TJP1: variants seen among roughly 807,000 people sequenced by gnomAD.
TJP1 encodes the protein tight junction protein 1, also known as tight junction protein ZO-1.
In TJP1, 43 loss-of-function variants were observed where a neutral mutation model predicts 194.2. The ratio of observed to expected loss-of-function variants is 0.22; its 90% CI spans 0.17 to 0.29. TJP1 has a LOEUF of 0.29. TJP1 is among the 10% of genes least tolerant of loss of function. TJP1 has a pLI of 1.00. For synonymous variants in TJP1, 801 were observed against 779.0 expected (o/e 1.03, Z -0.47); for missense variants, 1,971 against 2,185.7 (o/e 0.90, Z 1.96).
chr15:29,703,631 A>C (rs2041698348), intron 27 of TJP1, among the ~76,000 whole-genome samples: 1 of 151,936 alleles, frequency 6.6e-6, no homozygotes, highest in South Asian at 2.1e-4. Context: ...AATAGTCAAT[A>C]TTTGGCCATA....
chr15:29,757,342 C>T (rs2045706452), intron 8 of TJP1, among the ~76,000 whole-genome samples: 1 of 152,156 alleles, frequency 6.6e-6, no homozygotes, highest in Admixed American at 6.6e-5. Flanking sequence ...ACCTTTCTCA[C>T]AGAGACCAGG....
In TJP1 at chr15:29,820,621, A is replaced by C; in HGVS notation, c.27+1381T>G. ...TCTTGCATATTAAGTACCAGAGATC[A>C]CACTTCAGGAACAAAGTGACATTCT... On this transcript the variant is annotated intron_variant, in intron 1 of 27. Coordinates refer to ENST00000614355, the MANE Select transcript of TJP1 (RefSeq NM_001330239.4). 1.7e-5 allele frequency: 12 copies of C among 715,186 alleles called. No individual in the cohort carries two copies. In the South Asian group the frequency reaches 1.8e-4, roughly 11 times the overall value. 44.3% of individuals were successfully genotyped at this position (715,186 alleles called of 1,614,324 possible). A position where few individuals can be genotyped will look rare whatever the true frequency, so the allele number is the denominator to read the frequency against.
At chr15:29,801,982 A>C (rs1047957006) in intron 1 of TJP1, among the ~76,000 whole-genome samples, 16 of 152,202 alleles carry the variant, frequency 1.1e-4, no homozygotes, top group Non-Finnish European at 2.9e-5. Context: ...CACGGGTTGG[A>C]CAAGGTTGAT....
chr15:29,767,839 G>C (rs758807367), intron 4 of TJP1, among the ~76,000 whole-genome samples: 5 of 151,760 alleles, frequency 3.3e-5, no homozygotes, highest in African/African-American at 4.8e-5. Context: ...AAAGACCAAG[G>C]CAATCTTCTC....
chr15:29,913,971 T>C (rs2054102186), intron 2 of TJP1, among the ~76,000 whole-genome samples: 1 of 152,176 alleles, frequency 6.6e-6, no homozygotes, highest in African/African-American at 2.4e-5. Flanking sequence ...CTTCAAAGCC[T>C]TTCTCAGAGT....
chr15:29,904,096 A>T (rs887558837), intron 2 of TJP1, among the ~76,000 whole-genome samples: 6 of 152,178 alleles, frequency 3.9e-5, no homozygotes, highest in African/African-American at 1.4e-4. Context: ...GGATCCATAG[A>T]TGTGTTTGGA....
At chr15:29,780,609 G>T (rs1445895407) in intron 2 of TJP1, among the ~76,000 whole-genome samples, 2 of 152,078 alleles carry the variant, frequency 1.3e-5, no homozygotes, top group African/African-American at 4.8e-5. Context: ...ACTATATAAT[G>T]GATACTGAGT....
intron 27 of TJP1, 40 bp from the exon 28 acceptor site, chr15:29,701,729 A>G (rs748412886): frequency 1.4e-6 from 2 of 1,466,764 alleles, no homozygotes; most frequent in East Asian, 2.3e-5. Context: ...ACAGTTCAGT[A>G]AACTGCTATC....
chr15:29,720,325 C>G, intron 19 of TJP1, 33 bp downstream of exon 19: 1 of 1,491,968 alleles, frequency 6.7e-7, no homozygotes, highest in Non-Finnish European at 9.0e-7. Context: ...TAATGCACCT[C>G]TATCTACAAA....
At chr15:29,950,251 TACC>T (rs1404885075) in intron 2 of TJP1, among the ~76,000 whole-genome samples, 2 of 89,242 alleles carry the variant, frequency 2.2e-5, no homozygotes, top group Non-Finnish European at 4.6e-5. Flanking sequence ...CCTCCTTCAC[TACC>T]ACCTCTATGA....
intron 26 of TJP1, among the ~76,000 whole-genome samples, chr15:29,705,270 G>A (rs956507211): frequency 6.6e-6 from 1 of 152,216 alleles, no homozygotes; most frequent in African/African-American, 2.4e-5. Flanking sequence ...TGCTCAGCAG[G>A]TGAGACATCC....
intron 2 of TJP1, among the ~76,000 whole-genome samples, chr15:29,925,631 G>T (rs2054502085): frequency 6.6e-6 from 1 of 152,142 alleles, no homozygotes; most frequent in Non-Finnish European, 1.5e-5. Context: ...AGTATGGGCT[G>T]TTCTTAAAGG....
intron 26 of TJP1, among the ~76,000 whole-genome samples, chr15:29,704,663 A>G (rs2041778060): frequency 6.6e-6 from 1 of 152,224 alleles, no homozygotes; most frequent in African/African-American, 2.4e-5. Context: ...TCACACTTCA[A>G]GTGCTAGCTA....
intron 2 of TJP1, among the ~76,000 whole-genome samples, chr15:29,832,943 C>T (rs916235403): frequency 6.6e-6 from 1 of 152,178 alleles, no homozygotes; most frequent in African/African-American, 2.4e-5. Flanking sequence ...GGCCGCCTAG[C>T]TTTTCCTCCC....
intron 2 of TJP1, among the ~76,000 whole-genome samples, chr15:29,874,167 C>T (rs576960254): frequency 1.3e-5 from 2 of 152,198 alleles, no homozygotes; most frequent in Non-Finnish European, 2.9e-5. Context: ...AACGGAGGTG[C>T]GGTCACATTA....
intron 8 of TJP1, chr15:29,759,933 G>C: frequency 2.5e-6 from 1 of 395,950 alleles, no homozygotes; most frequent in Non-Finnish European, 4.5e-6. Context: ...TGAGAGTGCA[G>C]ATATCTCTTC....
chr15:29,716,566 TA>T (rs1261122761), intron 23 of TJP1, 44 bp downstream of exon 23: 1 of 1,396,204 alleles, frequency 7.2e-7, no homozygotes, highest in Admixed American at 1.7e-5. Flanking sequence ...TGCACGGGAT[TA>T]ATATGCTGCA....
intron 5 of TJP1, among the ~76,000 whole-genome samples, chr15:29,762,684 T>C (rs1248251370): frequency 1.3e-5 from 2 of 152,198 alleles, no homozygotes; most frequent in Non-Finnish European, 2.9e-5. Flanking sequence ...GTTCCCATAT[T>C]ACTGAAAAGG....
intron 1 of TJP1, among the ~76,000 whole-genome samples, chr15:29,803,571 C>T (rs1354221401): frequency 6.6e-6 from 1 of 152,078 alleles, no homozygotes; most frequent in African/African-American, 2.4e-5. Flanking sequence ...TCTAAGTGAG[C>T]TGAGAAGCAT....
Sources: allele counts gnomAD v4.1 joint callset (sites outside exome capture counted in the v4.1 genomes callset), GRCh38; gene constraint gnomAD v4.1.1; transcripts MANE v1.5; gene names NCBI Gene and HGNC (gene_info 2026-07-23, HGNC 2026-07-21).